The following RNF216 variants were observed in gnomAD, a reference collection of about 807,000 sequenced individuals.
RNF216 encodes the protein E3 ubiquitin-protein ligase RNF216.
In RNF216, 72 loss-of-function variants were observed where a neutral mutation model predicts 110.8. The observed-to-expected ratio is 0.65, with a 90% CI of 0.54 to 0.79. The LOEUF is 0.79. Ranked by LOEUF, RNF216 falls within the 30% of genes least tolerant of loss-of-function variation. The probability of loss-of-function intolerance (pLI) is 0.00; values close to 1 mark genes in which losing one functional copy is unlikely to be tolerated. For synonymous variants in RNF216, 495 were observed against 407.5 expected (o/e 1.21, Z -2.59); for missense variants, 1,342 against 1,141.2 (o/e 1.18, Z -2.54).
At chr7:5,692,904 C>T (rs985241564) in intron 13 of RNF216, among the ~76,000 whole-genome samples, 2 of 152,206 alleles carry the variant, frequency 1.3e-5, no homozygotes, top group Admixed American at 6.5e-5. Context: ...TCCTCAAAAG[C>T]GATTCACTGC....
intron 13 of RNF216, among the ~76,000 whole-genome samples, chr7:5,667,747 G>A (rs1461288242): frequency 1.3e-5 from 2 of 152,214 alleles, no homozygotes; most frequent in Non-Finnish European, 2.9e-5. Context: ...CTGTCAGCAT[G>A]CCCTGGAAGA....
intron 1 of RNF216, among the ~76,000 whole-genome samples, chr7:5,772,051 T>C (rs1719313833): frequency 6.6e-6 from 1 of 152,004 alleles, no homozygotes; most frequent in Non-Finnish European, 1.5e-5. Context: ...CTGACCAACA[T>C]GGAGAAACCC....
chr7:5,780,659 C>G (rs1797030843), intron 1 of RNF216, among the ~76,000 whole-genome samples: 1 of 151,338 alleles, frequency 6.6e-6, no homozygotes, highest in Non-Finnish European at 1.5e-5. Context: ...GAGCCGGGAT[C>G]GCGCCACTGC....
intron 1 of RNF216, among the ~76,000 whole-genome samples, chr7:5,773,504 G>C (rs1796610898): frequency 6.6e-6 from 1 of 152,018 alleles, no homozygotes; most frequent in African/African-American, 2.4e-5. Context: ...GTCTCCCAAA[G>C]TGCTGAGATT....
intron 10 of RNF216, among the ~76,000 whole-genome samples, chr7:5,716,336 C>T (rs1793061367): frequency 6.6e-6 from 1 of 151,920 alleles, no homozygotes; most frequent in South Asian, 2.1e-4. Context: ...ATGGTGAAAC[C>T]CCGTCTCTAC....
In RNF216 at chr7:5,726,720, G is replaced by A. The variant is rs181006004; in HGVS notation, c.1390-1282C>T. Among the ~76,000 whole-genome samples the A allele has an allele frequency of 1.8e-4, 27 of 152,180 alleles. 1 individual carries two copies. On this transcript the variant is annotated intron_variant, in intron 7 of 16. Transcript: ENST00000389902. ...TAAAAATACAAAAAATTAGCTGGAC[G>A]TGGTAGCAAGCGCCTGTAATCCCAG... is the stretch of plus-strand genomic sequence containing the variant.
At chr7:5,722,976 T>G (rs553876468) in intron 8 of RNF216, among the ~76,000 whole-genome samples, 1 of 151,882 alleles carries the variant, frequency 6.6e-6, no homozygotes, top group African/African-American at 2.4e-5. Context: ...ACAAAAAAAA[T>G]CAGTTTTTGG....
chr7:5,694,741 C>T (rs1418257625), intron 13 of RNF216, among the ~76,000 whole-genome samples: 1 of 152,174 alleles, frequency 6.6e-6, no homozygotes, highest in Admixed American at 6.5e-5. Flanking sequence ...AGCTGCGTAG[C>T]TTGTGTTGGG....
In RNF216 at chr7:5,725,238, C is replaced by G. The variant is rs1312526151; in HGVS notation, c.1504+86G>C. On this transcript the variant is annotated intron_variant, in intron 8 of 16. Transcript: ENST00000389902. The stretch of plus-strand genomic sequence containing the variant: ...GCCTGTCCAGATGCTCAGCAGACAC[C>G]TGTAGCACGGCTTCCTTCACTGACT... 6.0e-5 allele frequency: 48 copies of G among 805,186 alleles called. No individual in the cohort carries two copies. In the Admixed American group the frequency reaches 8.6e-4, roughly 14 times the overall value. 49.9% of individuals were successfully genotyped at this position (805,186 alleles called of 1,614,324 possible). A position where few individuals can be genotyped will look rare whatever the true frequency, so the allele number is the denominator to read the frequency against.
At chr7:5,767,746 A>C (rs1367009929) in intron 1 of RNF216, among the ~76,000 whole-genome samples, 1 of 152,014 alleles carries the variant, frequency 6.6e-6, no homozygotes, top group Non-Finnish European at 1.5e-5. Context: ...CTACAGGCAC[A>C]CGCCACCATG....
At position 5,622,315 on chromosome 7, in the gene RNF216, ACT is replaced by A. The variant is rs1416523246; in HGVS notation, c.*543_*544del. On this transcript the variant is annotated 3_prime_UTR_variant, in exon 17 of 17. Transcript: ENST00000389902. Reference sequence around the variant, plus strand: ...AGAGGGGAGGAGAGGTGCCCTCAACACTCACTGCAGTGGCGCACGGGTTTTGG... The same window carrying A: ...AGAGGGGAGGAGAGGTGCCCTCAACACACTGCAGTGGCGCACGGGTTTTGG... 1 of 153,558 alleles carries A rather than the reference ACT, an allele frequency of 6.5e-6. No homozygotes were observed. Among genetic ancestry groups the A allele is most frequent in the African/African-American group, 2.4e-5 (1 of 41,464 alleles). 9.5% of individuals were successfully genotyped at this position (153,558 alleles called of 1,614,324 possible). A position where few individuals can be genotyped will look rare whatever the true frequency, so the allele number is the denominator to read the frequency against.
At chr7:5,684,134 G>A (rs1790831153) in intron 13 of RNF216, among the ~76,000 whole-genome samples, 1 of 117,418 alleles carries the variant, frequency 8.5e-6, no homozygotes, top group Admixed American at 1.2e-4. Context: ...ATGGAGTCTC[G>A]CTCTGTCACC....
chr7:5,780,392 T>A (rs1288864259), intron 1 of RNF216: 1 of 152,120 alleles, frequency 6.6e-6, no homozygotes, highest in Non-Finnish European at 1.5e-5. Flanking sequence ...CGCTTCTTAC[T>A]GAAGGGCCCG....
intron 13 of RNF216, among the ~76,000 whole-genome samples, chr7:5,664,775 TTA>T (rs1789397914): frequency 6.6e-6 from 1 of 152,222 alleles, no homozygotes; most frequent in Non-Finnish European, 1.5e-5. Flanking sequence ...GGTCCAGTTC[TTA>T]AAGGACACAC....
intron 14 of RNF216, chr7:5,649,977 G>T (rs1219531441): frequency 6.6e-6 from 1 of 152,230 alleles, no homozygotes; most frequent in East Asian, 1.9e-4. Flanking sequence ...CGTTCTACTT[G>T]AACGACATGC....
At chr7:5,663,105 T>G (rs1319069197) in intron 13 of RNF216, among the ~76,000 whole-genome samples, 1 of 152,190 alleles carries the variant, frequency 6.6e-6, no homozygotes, top group Admixed American at 6.5e-5. Context: ...GAGCTGGCAC[T>G]TGCTCACTGG....
At chr7:5,777,307 G>A (rs1017465961) in intron 1 of RNF216, among the ~76,000 whole-genome samples, 3 of 152,226 alleles carry the variant, frequency 2.0e-5, no homozygotes, top group East Asian at 3.8e-4. Flanking sequence ...CTATGAAGCA[G>A]TAAGTATTAG....
intron 4 of RNF216, 27 bp from the exon 5 acceptor site, chr7:5,739,379 T>A: frequency 6.3e-7 from 1 of 1,580,368 alleles, no homozygotes; most frequent in Non-Finnish European, 8.6e-7. Flanking sequence ...ACATAATTTA[T>A]ATTTCATTCA....
intron 13 of RNF216, among the ~76,000 whole-genome samples, chr7:5,711,517 TAAA>T (rs1250178008): frequency 6.6e-6 from 1 of 152,176 alleles, no homozygotes; most frequent in Non-Finnish European, 1.5e-5. Flanking sequence ...GTATCTGTCC[TAAA>T]GAAGATGATA....
Sources: allele counts gnomAD v4.1 joint callset (sites outside exome capture counted in the v4.1 genomes callset), GRCh38; gene constraint gnomAD v4.1.1; transcripts MANE v1.5; gene names NCBI Gene and HGNC (gene_info 2026-07-23, HGNC 2026-07-21).